INPP5A: variants seen among roughly 807,000 people sequenced by gnomAD.
INPP5A encodes the protein inositol polyphosphate-5-phosphatase A, also known as 43 kDa inositol polyphosphate 5-phophatase.
A neutral mutation model predicts 65.2 loss-of-function variants in INPP5A; 14 were observed. The ratio of observed to expected loss-of-function variants is 0.21; its 90% confidence interval spans 0.14 to 0.34. The LOEUF (loss-of-function observed/expected upper bound fraction) is 0.34, where lower values mean the gene tolerates loss of function less well. Ranked by LOEUF, INPP5A falls within the 10% of genes least tolerant of loss-of-function variation. The pLI, the probability that INPP5A is intolerant of heterozygous loss-of-function variation, is 1.00. For synonymous variants in INPP5A, 207 were observed against 208.3 expected, an observed-to-expected ratio of 0.99 and a Z score of 0.05; for missense variants, 431 against 545.6, an observed-to-expected ratio of 0.79 and a Z score of 2.09.
At chr10:132,609,329 C>T (rs2071909001) in intron 2 of INPP5A, among the ~76,000 whole-genome samples, 1 of 152,236 alleles carries the variant, frequency 6.6e-6, no homozygotes, top group African/African-American at 2.4e-5. Context: ...CCGTGCCACC[C>T]CCATCCACGG....
In INPP5A at chr10:132,651,473, C is replaced by T. The variant is rs369335270; in HGVS notation, c.306+968C>T. Among the ~76,000 whole-genome samples the T allele has an allele frequency of 2.3e-3, 332 of 146,754 alleles. 1 individual carries two copies. Among genetic ancestry groups the T allele is most frequent in the African/African-American group, 8.1e-3 (320 of 39,506 alleles). On this transcript the variant is annotated intron_variant, in intron 4 of 15. Transcript: ENST00000368594. The surrounding 1 kb of genome is among the most constrained non-coding windows in gnomAD (Gnocchi z 5.0). ...CCTGGGTCCCCCGGCTTGGGTCCAT[C>T]TCCCCCATCTCTGGGGAGGCCCTGG...
rs1430730941 is a variant in INPP5A at position 132,698,663 on chromosome 10, G to GCAGGCACTGTGGCCAGAAGCAGCC, written c.474+754_474+777dup. Among the ~76,000 whole-genome samples, 2 of 152,226 alleles carry GCAGGCACTGTGGCCAGAAGCAGCC rather than the reference G, an allele frequency of 1.3e-5. No individual in the cohort carries two copies. The highest frequency in any genetic ancestry group is 4.8e-5 in the African/African-American group (2 of 41,458). On this transcript the variant is annotated intron_variant, in intron 6 of 15. Coordinates refer to ENST00000368594, the MANE Select transcript of INPP5A (RefSeq NM_005539.5). This position sits in a 1 kb window ranked among gnomAD's most constrained non-coding sequence, Gnocchi z 5.5. ...CTCATCTGCTGAATCACAGTGGGGTGCAGGCACTGTGGCCAGAAGCAGCCC... is the reference window on the plus strand; with the variant it reads ...CTCATCTGCTGAATCACAGTGGGGTGCAGGCACTGTGGCCAGAAGCAGCCCAGGCACTGTGGCCAGAAGCAGCCC...
intron 8 of INPP5A, among the ~76,000 whole-genome samples, chr10:132,723,861 A>C (rs1345056024): frequency 1.3e-5 from 2 of 148,750 alleles, no homozygotes; most frequent in Admixed American, 1.3e-4. Flanking sequence ...TCCTCCATGC[A>C]CCCTCCGAGC....
intron 8 of INPP5A, among the ~76,000 whole-genome samples, chr10:132,712,230 T>G (rs570452696): frequency 2.0e-5 from 3 of 152,000 alleles, no homozygotes; most frequent in Non-Finnish European, 4.4e-5. Context: ...TGCCTGAGTG[T>G]GCACACCTTG....
chr10:132,543,463 C>A (rs1006794955), intron 1 of INPP5A, among the ~76,000 whole-genome samples: 3 of 152,198 alleles, frequency 2.0e-5, no homozygotes, highest in African/African-American at 7.2e-5. Flanking sequence ...TTCACCCAGA[C>A]TGGAATGCAA....
At chr10:132,562,713 C>T (rs1001538470) in intron 1 of INPP5A, among the ~76,000 whole-genome samples, 6 of 152,238 alleles carry the variant, frequency 3.9e-5, no homozygotes, top group Non-Finnish European at 7.3e-5. Context: ...CTGTGAGGAG[C>T]GGCATGCTTC....
chr10:132,697,890 G>C lies in INPP5A; in HGVS notation c.445G>C (p.Glu149Gln), dbSNP rs150016201. ...AGAGAGCACGCCCATGCTGGAGAAGGAGAAGTTTCCGCAGGACTACTTCCC... is the reference window on the plus strand; with the variant it reads ...AGAGAGCACGCCCATGCTGGAGAAGCAGAAGTTTCCGCAGGACTACTTCCC... ...TLESTPMLEK[E>Q]KFPQDYFPEC... The change falls in exon 6 of 16, where the codon GAG becomes CAG. Residue 149 changes from glutamate to glutamine, a missense_variant. Glu to Gln is a conservative substitution (Grantham distance 29). Coordinates refer to ENST00000368594, the MANE Select transcript of INPP5A (RefSeq NM_005539.5). This position sits in a 1 kb window ranked among gnomAD's most constrained non-coding sequence, Gnocchi z 5.6. 8.2e-4 allele frequency: 1,325 copies of C among 1,613,718 alleles called. No homozygotes were observed. The highest frequency in any genetic ancestry group is 9.9e-4 in the Non-Finnish European group (1,165 of 1,179,666).
At chr10:132,702,985 G>A (rs1793943820) in intron 6 of INPP5A, among the ~76,000 whole-genome samples, 1 of 152,144 alleles carries the variant, frequency 6.6e-6, no homozygotes, top group African/African-American at 2.4e-5. Flanking sequence ...TGCCGGTGCT[G>A]GTTAGGAGCG....
intron 1 of INPP5A, among the ~76,000 whole-genome samples, chr10:132,579,085 G>A (rs1164498177): frequency 6.6e-6 from 1 of 152,182 alleles, no homozygotes; most frequent in Admixed American, 6.5e-5. Flanking sequence ...GCCCCTTTGT[G>A]TGGCTCAAGG....
chr10:132,540,733 C>T (rs757010689), intron 1 of INPP5A, among the ~76,000 whole-genome samples: 12 of 152,252 alleles, frequency 7.9e-5, no homozygotes, highest in Non-Finnish European at 1.8e-4. Flanking sequence ...CAGCCCGTCC[C>T]GTGCTGACGA....
At chr10:132,770,127 G>A (rs961739624) in intron 12 of INPP5A, among the ~76,000 whole-genome samples, 4 of 152,310 alleles carry the variant, frequency 2.6e-5, no homozygotes, top group African/African-American at 7.2e-5. Context: ...CCCTGACACT[G>A]CAGAGTTGGG....
At chr10:132,601,089 A>C (rs1286248435) in intron 1 of INPP5A, among the ~76,000 whole-genome samples, 1 of 152,236 alleles carries the variant, frequency 6.6e-6, no homozygotes. Context: ...ACCATGTTAC[A>C]TTCCCACCAG....
At chr10:132,543,301 C>T (rs565531943) in intron 1 of INPP5A, among the ~76,000 whole-genome samples, 31 of 152,238 alleles carry the variant, frequency 2.0e-4, no homozygotes, top group African/African-American at 6.7e-4. Context: ...CTGTCCCGGG[C>T]GTTTCACATA....
At position 132,650,205 on chromosome 10, in the gene INPP5A, T is replaced by C. The variant is rs567722201; in HGVS notation, c.219-213T>C. 6.6e-6 allele frequency among the ~76,000 whole-genome samples: 1 copy of C among 152,322 alleles called. No individual in the cohort carries two copies. The highest frequency in any genetic ancestry group is 6.5e-5 in the Admixed American group (1 of 15,310). On this transcript the variant is annotated intron_variant, in intron 3 of 15. Transcript: ENST00000368594. This position sits in a 1 kb window ranked among gnomAD's most constrained non-coding sequence, Gnocchi z 5.5. ...CACAGGCTGCGTGGAGACCAGAGCC[T>C]GTGGGAGCTTGAGCTCTGCACATGC... is the stretch of plus-strand genomic sequence containing the variant.
At chr10:132,639,912 T>G (rs553566673) in intron 2 of INPP5A, among the ~76,000 whole-genome samples, 1 of 152,366 alleles carries the variant, frequency 6.6e-6, no homozygotes, top group East Asian at 1.9e-4. Context: ...GTTTTTGAAA[T>G]TTCCATTTGT....
chr10:132,664,427 G>A lies in INPP5A; in HGVS notation c.306+13922G>A, dbSNP rs558061311. 1.1e-4 allele frequency among the ~76,000 whole-genome samples: 17 copies of A among 152,362 alleles called. No homozygotes were observed. In the South Asian group the frequency reaches 2.7e-3, roughly 24 times the overall value. ...AGCTTTTATGTCACAGCCTGCCCAG[G>A]ACCCTGCTGTGTGCCTGGAGGGCAC... On this transcript the variant is annotated intron_variant, in intron 4 of 15. Transcript: ENST00000368594.
At chr10:132,645,721 G>A (rs1317653258) in intron 2 of INPP5A, 147 bp from the exon 3 acceptor site, 1 of 602,148 alleles carries the variant, frequency 1.7e-6, no homozygotes, top group African/African-American at 1.8e-5. Context: ...CCTAGAATCT[G>A]TCCAGAACCC....
At chr10:132,734,613 C>T (rs754813389) in intron 9 of INPP5A, among the ~76,000 whole-genome samples, 2 of 152,192 alleles carry the variant, frequency 1.3e-5, no homozygotes, top group African/African-American at 2.4e-5. Context: ...GTGTCCTGTG[C>T]GTTTGCTATG....
chr10:132,544,991 C>T (rs933540639), intron 1 of INPP5A, among the ~76,000 whole-genome samples: 4 of 152,080 alleles, frequency 2.6e-5, no homozygotes, highest in South Asian at 2.1e-4. Flanking sequence ...AAGTAAGCAC[C>T]CAGATCGACC....
Sources: gnomAD v4.1 joint callset for allele counts (sites outside exome capture counted in the v4.1 genomes callset) on GRCh38, gnomAD v4.1.1 for gene constraint, Gnocchi (gnomAD v3.1) non-coding constraint, MANE v1.5 for transcripts, NCBI Gene and HGNC (gene_info 2026-07-23, HGNC 2026-07-21) for gene names.